Variants in PPP1R9A observed in about 807,000 individuals in gnomAD.
The protein encoded by PPP1R9A is protein phosphatase 1 regulatory subunit 9A.
A neutral mutation model predicts 141.9 loss-of-function variants in PPP1R9A; 59 were observed. The ratio of observed to expected loss-of-function variants is 0.42; its 90% CI spans 0.34 to 0.52. The LOEUF is 0.52. Among genes scored for constraint, PPP1R9A ranks in the 20% least tolerant of loss-of-function variants. PPP1R9A has a pLI of 0.10. For synonymous variants in PPP1R9A, 500 were observed against 569.7 expected (o/e 0.88, Z 1.74); for missense variants, 1,444 against 1,611.9 (o/e 0.90, Z 1.78).
In PPP1R9A at chr7:95,286,229, C is replaced by T. The variant is rs764335825; in HGVS notation, c.3633C>T (p.Phe1211=). 6.2e-7 allele frequency: 1 copy of T among 1,613,510 alleles called. No homozygotes were observed. The highest frequency in any genetic ancestry group is 1.1e-5 in the South Asian group (1 of 91,064). The change falls in exon 18 of 20, where the codon TTC becomes TTT. Residue 1211 remains phenylalanine, a synonymous_variant. Transcript: ENST00000433360. ...ETNNFTFNDD[F]SPSSTSSADL... ...AGAATTTTACCTTCAATGATGACTT[C>T]AGTCCCAGCAGTACCAGTTCAGCAG... is the stretch of plus-strand genomic sequence containing the variant.
chr7:95,023,503 C>T lies in PPP1R9A; in HGVS notation c.1396-87756C>T, dbSNP rs1014808477. On this transcript the variant is annotated intron_variant, in intron 2 of 19. Coordinates refer to ENST00000433360, the MANE Select transcript of PPP1R9A (RefSeq NM_001166160.2). The stretch of plus-strand genomic sequence containing the variant: ...AGTTCTGCTCTCATATTAGGTATTT[C>T]TCGTCTTCTGCTAGCTTTTGAATTA... Among the ~76,000 whole-genome samples the T allele has an allele frequency of 4.4e-5, 6 of 137,834 alleles. No individual in the cohort carries two copies. In the South Asian group the frequency reaches 6.6e-4, roughly 15 times the overall value. 90.4% of individuals were successfully genotyped at this position (137,834 alleles called of 152,430 possible).
chr7:95,274,250 G>T, intron 16 of PPP1R9A, 82 bp downstream of exon 16: 1 of 1,265,276 alleles, frequency 7.9e-7, no homozygotes. Flanking sequence ...CAAAATCAGT[G>T]GTCAGTATCT....
At chr7:94,954,047 A>G (rs1026685384) in intron 2 of PPP1R9A, among the ~76,000 whole-genome samples, 1 of 152,066 alleles carries the variant, frequency 6.6e-6, no homozygotes, top group African/African-American at 2.4e-5. Flanking sequence ...TGGTTTTCAA[A>G]GGGAATGCTT....
At chr7:95,142,924 C>T (rs895049750) in intron 4 of PPP1R9A, among the ~76,000 whole-genome samples, 1 of 151,850 alleles carries the variant, frequency 6.6e-6, no homozygotes, top group African/African-American at 2.4e-5. Context: ...ATAATCATTC[C>T]TTCTCTTTTA....
intron 16 of PPP1R9A, among the ~76,000 whole-genome samples, chr7:95,276,812 T>C (rs752231875): frequency 6.8e-4 from 104 of 152,234 alleles, no homozygotes; most frequent in Non-Finnish European, 1.3e-3. Flanking sequence ...GAAAAAAAAT[T>C]TTGAGCTGCT....
intron 2 of PPP1R9A, among the ~76,000 whole-genome samples, chr7:95,037,525 T>C (rs1008972503): frequency 5.3e-5 from 8 of 152,188 alleles, no homozygotes; most frequent in Non-Finnish European, 1.2e-4. Context: ...ATAATCAACT[T>C]AGTACATCTG....
At chr7:95,061,421 A>G (rs1455476026) in intron 2 of PPP1R9A, among the ~76,000 whole-genome samples, 11 of 152,350 alleles carry the variant, frequency 7.2e-5, no homozygotes, top group Middle Eastern at 3.4e-3. Flanking sequence ...ATAACTTGTT[A>G]TCATTCTTTG....
intron 2 of PPP1R9A, among the ~76,000 whole-genome samples, chr7:95,027,257 G>A (rs550083137): frequency 4.1e-4 from 62 of 152,286 alleles, no homozygotes; most frequent in Middle Eastern, 6.8e-3. Flanking sequence ...TGCAAAGACC[G>A]TGGGAAAAGT....
intron 8 of PPP1R9A, among the ~76,000 whole-genome samples, chr7:95,242,656 A>T (rs749769358): frequency 6.6e-6 from 1 of 152,156 alleles, no homozygotes; most frequent in Non-Finnish European, 1.5e-5. Flanking sequence ...TCCTGTTCTC[A>T]TAGGAATGTG....
intron 2 of PPP1R9A, chr7:95,035,828 G>T (rs930927422): frequency 6.6e-6 from 1 of 152,102 alleles, no homozygotes; most frequent in South Asian, 2.1e-4. Flanking sequence ...TCAGTCGTAC[G>T]ATTTTCTTCT....
intron 4 of PPP1R9A, chr7:95,155,089 A>C (rs1375112351): frequency 6.6e-6 from 1 of 152,154 alleles, no homozygotes; most frequent in Non-Finnish European, 1.5e-5. Flanking sequence ...ACTAGAAAAG[A>C]AAATGAAAAA....
intron 2 of PPP1R9A, among the ~76,000 whole-genome samples, chr7:95,045,961 G>T (rs1809949044): frequency 1.3e-5 from 2 of 152,080 alleles, no homozygotes; most frequent in Admixed American, 1.3e-4. Context: ...CACATACCAG[G>T]CTACTAAAGA....
At chr7:95,194,953 T>C (rs1836022566) in intron 5 of PPP1R9A, among the ~76,000 whole-genome samples, 1 of 152,054 alleles carries the variant, frequency 6.6e-6, no homozygotes. Context: ...ATTTTAGAAA[T>C]TGACAAGCTG....
rs771289671 is a variant in PPP1R9A, at chr7:95,216,592, C to G, written c.1957-9369C>G. 1.7e-3 allele frequency among the ~76,000 whole-genome samples: 258 copies of G among 152,206 alleles called. 2 individuals are homozygous for G. The highest frequency in any genetic ancestry group is 2.2e-3 in the Non-Finnish European group (147 of 68,004). ...TTTTCACGATATTGATTCTACCTATCCATGAGCATGGAATGTTCTTCCATT... is the reference window on the plus strand; with the variant it reads ...TTTTCACGATATTGATTCTACCTATGCATGAGCATGGAATGTTCTTCCATT... On this transcript the variant is annotated intron_variant, in intron 7 of 19. Coordinates refer to ENST00000433360, the MANE Select transcript of PPP1R9A (RefSeq NM_001166160.2).
At chr7:95,274,339 T>C (rs905761598) in intron 16 of PPP1R9A, among the ~76,000 whole-genome samples, 171 bp downstream of exon 16, 3 of 152,252 alleles carry the variant, frequency 2.0e-5, no homozygotes, top group South Asian at 2.1e-4. Flanking sequence ...ACTCCAATTA[T>C]AGCCTCCATC....
intron 5 of PPP1R9A, among the ~76,000 whole-genome samples, chr7:95,186,742 G>T (rs1834717305): frequency 6.6e-6 from 1 of 151,974 alleles, no homozygotes; most frequent in African/African-American, 2.4e-5. Context: ...GCTGGATTTT[G>T]TCAGTGCTTT....
Position 95,284,017 on chromosome 7 carries a change from G to C in PPP1R9A, c.3297-1G>C, listed in dbSNP as rs1329701596. ...ACACACCCATTCTTTTCACAAAACA[G>C]GATCTTCAGAGGCAGACTGGAAAAC... On this transcript the variant is annotated splice_acceptor_variant, in intron 16 of 19. Transcript: ENST00000433360. LOFTEE classifies it high-confidence loss of function. 6.3e-7 allele frequency: 1 copy of C among 1,585,542 alleles called. No homozygotes were observed. Among genetic ancestry groups the C allele is most frequent in the African/African-American group, 1.3e-5 (1 of 74,238 alleles).
intron 2 of PPP1R9A, among the ~76,000 whole-genome samples, chr7:95,000,248 T>C (rs986259176): frequency 3.9e-5 from 6 of 152,198 alleles, no homozygotes; most frequent in African/African-American, 1.4e-4. Flanking sequence ...CAGGAAGTGT[T>C]TGTAGAATGA....
At chr7:95,163,716 GT>G (rs1359917866) in intron 5 of PPP1R9A, among the ~76,000 whole-genome samples, 1 of 150,968 alleles carries the variant, frequency 6.6e-6, no homozygotes. Flanking sequence ...ATGTGCAGGG[GT>G]TTTTTTTGTT....
Sources: allele counts gnomAD v4.1 joint callset (sites outside exome capture counted in the v4.1 genomes callset), GRCh38; gene constraint gnomAD v4.1.1; transcripts MANE v1.5; gene names NCBI Gene and HGNC (gene_info 2026-07-23, HGNC 2026-07-21).